SLC9A3: variants seen among roughly 807,000 people sequenced by gnomAD.
The protein encoded by SLC9A3 is solute carrier family 9 member A3, also known as sodium/hydrogen exchanger 3.
In SLC9A3, 37 loss-of-function variants were observed where a neutral mutation model predicts 86.8. The ratio of observed to expected loss-of-function variants is 0.43; its 90% CI spans 0.33 to 0.56. The LOEUF (loss-of-function observed/expected upper bound fraction) is 0.56. Among genes scored for constraint, SLC9A3 ranks in the 20% least tolerant of loss-of-function variants. The pLI is 0.06. For synonymous variants in SLC9A3, 581 were observed against 528.3 expected, an observed-to-expected ratio of 1.10 and a Z score of -1.37; for missense variants, 1,011 against 1,171.9, an observed-to-expected ratio of 0.86 and a Z score of 2.00.
At chr5:475,185 G>A (rs1560947837) in intron 15 of SLC9A3, 53 bp from the exon 16 acceptor site, 18 of 1,517,206 alleles carry the variant, frequency 1.2e-5, no homozygotes, top group East Asian at 2.3e-5. Context: ...ACGGCGGCAG[G>A]GGAGACCTCG....
intron 1 of SLC9A3, among the ~76,000 whole-genome samples, chr5:523,698 T>C (rs1001557072): frequency 6.6e-6 from 1 of 151,936 alleles, no homozygotes; most frequent in Non-Finnish European, 1.5e-5. Flanking sequence ...CCGCTTTTCT[T>C]TTCTGCCCTT....
Position 497,216 on chromosome 5 carries a change from C to T in SLC9A3, c.212-5145G>A, listed in dbSNP as rs1740060039. On this transcript the variant is annotated intron_variant, in intron 1 of 16. Coordinates refer to ENST00000264938, the MANE Select transcript of SLC9A3 (RefSeq NM_004174.4). The surrounding 1 kb of genome is among the most constrained non-coding windows in gnomAD (Gnocchi z 5.4). ...ATCTGGGTGGCACTGGTGGGTGCTC[C>T]CGGTGCCCAGGCCGCTGCCCCGCAG... Among the ~76,000 whole-genome samples, 1 of 152,154 alleles carries T rather than the reference C, an allele frequency of 6.6e-6. No homozygotes were observed. The highest frequency in any genetic ancestry group is 2.1e-4 in the South Asian group (1 of 4,826).
intron 6 of SLC9A3, 84 bp from the exon 7 acceptor site, chr5:482,834 G>A (rs947099007): frequency 2.5e-5 from 27 of 1,095,548 alleles, no homozygotes; most frequent in Non-Finnish European, 3.4e-5. Flanking sequence ...GCGTCTTGGC[G>A]GCCAAGCATG....
At chr5:493,951 T>G (rs1410665775) in intron 1 of SLC9A3, among the ~76,000 whole-genome samples, 6 of 152,162 alleles carry the variant, frequency 3.9e-5, no homozygotes, top group African/African-American at 1.4e-4. Context: ...GGGCATGGCC[T>G]GCAATGAGGG....
chr5:504,339 C>T (rs945254619), intron 1 of SLC9A3, among the ~76,000 whole-genome samples: 32 of 152,308 alleles, frequency 2.1e-4, no homozygotes, highest in African/African-American at 7.2e-4. Flanking sequence ...TTGCTTCAGG[C>T]TCCCCTCTGT....
At position 477,513 on chromosome 5, in the gene SLC9A3, T is replaced by TG. The variant is rs1263811800; in HGVS notation, c.1648-70dup. The TG allele has an allele frequency of 1.2e-5, 15 of 1,201,654 alleles. No homozygotes were observed. In the African/African-American group the frequency reaches 1.9e-4, roughly 15 times the overall value. The allele number at this position is 1,201,654 out of a possible 1,614,324, so 74.4% of individuals were successfully genotyped here. A position where few individuals can be genotyped will look rare whatever the true frequency, so the allele number is the denominator to read the frequency against. On this transcript the variant is annotated intron_variant, in intron 10 of 16. Coordinates refer to ENST00000264938, the MANE Select transcript of SLC9A3 (RefSeq NM_004174.4). ...CCCTAGCTGCTGCCATTGTGTGCCC[T>TG]GGGGGGAAGCGCCCAGAGCTCGGGG...
chr5:493,925 T>C (rs965406885), intron 1 of SLC9A3, among the ~76,000 whole-genome samples: 2 of 152,148 alleles, frequency 1.3e-5, no homozygotes, highest in African/African-American at 2.4e-5. Context: ...GCGACAGTGA[T>C]AACCAAACCA....
intron 1 of SLC9A3, among the ~76,000 whole-genome samples, chr5:494,291 T>C (rs1451321592): frequency 1.3e-5 from 2 of 152,320 alleles, no homozygotes; most frequent in African/African-American, 4.8e-5. Context: ...GCCCCTCTTC[T>C]CTGGGCTCCA....
At chr5:490,302 C>CCAGCGTGGCGAGGGGCAGGGGTGGAGTG (rs1256079019) in intron 2 of SLC9A3, among the ~76,000 whole-genome samples, 32 of 78,856 alleles carry the variant, frequency 4.1e-4, no homozygotes, top group East Asian at 9.8e-4. Context: ...ACGGTAGAGT[C>CCAGCGTGGCGAGGGGCAGGGGTGGAGTG]CAGCGTGGCG....
At chr5:516,270 T>G (rs1249428568) in intron 1 of SLC9A3, among the ~76,000 whole-genome samples, 16 of 151,688 alleles carry the variant, frequency 1.1e-4, no homozygotes, top group Admixed American at 1.1e-3. Context: ...GGATCCCCAC[T>G]GCCTACAGGG....
At position 497,659 on chromosome 5, in the gene SLC9A3, C is replaced by A. The variant is rs1230033995; in HGVS notation, c.212-5588G>T. Among the ~76,000 whole-genome samples, 1 of 152,194 alleles carries A rather than the reference C, an allele frequency of 6.6e-6. No homozygotes were observed. The highest frequency in any genetic ancestry group is 1.9e-4 in the East Asian group (1 of 5,194). On this transcript the variant is annotated intron_variant, in intron 1 of 16. Coordinates refer to ENST00000264938, the MANE Select transcript of SLC9A3 (RefSeq NM_004174.4). This position sits in a 1 kb window ranked among gnomAD's most constrained non-coding sequence, Gnocchi z 5.4. The stretch of plus-strand genomic sequence containing the variant: ...CCTGAAGCTTCCAGATCCCCTGCAG[C>A]CCCCCTGAGCCGCTGACCCTGACCC...
chr5:476,774 T>A, intron 11 of SLC9A3, 102 bp from the exon 12 acceptor site: 1 of 1,438,432 alleles, frequency 7.0e-7, no homozygotes, highest in Non-Finnish European at 9.5e-7. Context: ...GGCTGCCTCC[T>A]GCGTGCCCCT....
In SLC9A3 at chr5:485,215, A is replaced by C; in HGVS notation, c.692T>G (p.Phe231Cys). 6.2e-7 allele frequency: 1 copy of C among 1,613,806 alleles called. No individual in the cohort carries two copies. Among genetic ancestry groups the C allele is most frequent in the Non-Finnish European group, 8.5e-7 (1 of 1,179,958 alleles). ...DAVTVVLYNV[F>C]ESFVALGGDN... ...ACCTCCCAGCGCCACGAAAGATTCA[A>C]ACACATTGTACAGAACCTGCAGGGA... Residue 231 changes from phenylalanine to cysteine, a missense_variant, in exon 4 of 17, where the codon TTT (phenylalanine) becomes TGT (cysteine). Phe to Cys is a radical substitution (Grantham distance 205). Around this residue, in one of 3 missense-constraint regions of SLC9A3, gnomAD observed 565 missense variants for 790.0 expected, o/e 0.72. Coordinates refer to ENST00000264938, the MANE Select transcript of SLC9A3 (RefSeq NM_004174.4).
intron 1 of SLC9A3, among the ~76,000 whole-genome samples, chr5:504,183 C>T (rs11134080): frequency 0.39 from 58,999 of 152,050 alleles, 11,883 homozygotes; most frequent in African/African-American, 0.44. Flanking sequence ...CTATATGAGG[C>T]GCCTGGGGAG....
chr5:502,708 A>T (rs1036929830), intron 1 of SLC9A3, among the ~76,000 whole-genome samples: 6 of 152,210 alleles, frequency 3.9e-5, no homozygotes, highest in Non-Finnish European at 8.8e-5. Flanking sequence ...GGCTTGGCAC[A>T]TTTTTTCTTA....
intron 1 of SLC9A3, among the ~76,000 whole-genome samples, chr5:512,091 G>C (rs1028619986): frequency 2.0e-5 from 3 of 152,208 alleles, no homozygotes; most frequent in African/African-American, 7.2e-5. Context: ...ATCAGTGGTT[G>C]CCACGGGTTA....
At chr5:507,020 G>A (rs1298168651) in intron 1 of SLC9A3, among the ~76,000 whole-genome samples, 7 of 150,492 alleles carry the variant, frequency 4.7e-5, no homozygotes, top group African/African-American at 9.8e-5. Context: ...GTGGTGAGCC[G>A]AGATCGAGAT....
In SLC9A3 at chr5:473,280, C is replaced by G; in HGVS notation, c.*99G>C. 1 of 1,239,820 alleles carries G rather than the reference C, an allele frequency of 8.1e-7. No individual in the cohort carries two copies. The highest frequency in any genetic ancestry group is 1.0e-6 in the Non-Finnish European group (1 of 975,134). The allele number at this position is 1,239,820 out of a possible 1,614,324, so 76.8% of individuals were successfully genotyped here. A position where few individuals can be genotyped will look rare whatever the true frequency, so the allele number is the denominator to read the frequency against. ...GCTCGGGGCTCGCGGTCGCTGTAGC[C>G]GCGCGGGGATCTGGGGTTTCTCTGG... On this transcript the variant is annotated 3_prime_UTR_variant, in exon 17 of 17. Coordinates refer to ENST00000264938, the MANE Select transcript of SLC9A3 (RefSeq NM_004174.4).
chr5:522,186 T>C (rs1733902637), intron 1 of SLC9A3, among the ~76,000 whole-genome samples: 1 of 152,264 alleles, frequency 6.6e-6, no homozygotes, highest in South Asian at 2.1e-4. Flanking sequence ...TGGGCCTTTG[T>C]AAAGGACCGC....
Sources: allele counts gnomAD v4.1 joint callset (sites outside exome capture counted in the v4.1 genomes callset), GRCh38; gene constraint gnomAD v4.1.1; regional missense constraint gnomAD v4.1.1; non-coding constraint Gnocchi (gnomAD v3.1); transcripts MANE v1.5; gene names NCBI Gene and HGNC (gene_info 2026-07-23, HGNC 2026-07-21).